Variants in DPP10 observed in about 807,000 individuals in gnomAD.
The protein encoded by DPP10 is inactive dipeptidyl peptidase 10.
DPP10 carries 33 observed loss-of-function variants against 120.9 expected under a neutral mutation model. The observed-to-expected ratio is 0.27, with a 90% confidence interval of 0.21 to 0.37. The LOEUF is 0.37. Ranked by LOEUF, DPP10 falls within the 10% of genes least tolerant of loss-of-function variation. The pLI is 1.00. For missense variants in DPP10, 816 were observed against 942.8 expected, an observed-to-expected ratio of 0.87 and a Z score of 1.76; for synonymous variants, 337 against 326.1, an observed-to-expected ratio of 1.03 and a Z score of -0.36.
intron 5 of DPP10, among the ~76,000 whole-genome samples, chr2:115,655,791 C>T (rs971515361): frequency 2.0e-5 from 3 of 151,382 alleles, no homozygotes; most frequent in African/African-American, 4.9e-5. Flanking sequence ...GAAGAATTAT[C>T]ATATTATATT....
intron 1 of DPP10, among the ~76,000 whole-genome samples, chr2:114,857,564 G>T (rs1188879648): frequency 1.3e-5 from 2 of 152,100 alleles, no homozygotes; most frequent in African/African-American, 4.8e-5. Flanking sequence ...CACTTCCCTT[G>T]CTTCCTCACA....
intron 1 of DPP10, among the ~76,000 whole-genome samples, chr2:114,826,192 A>C (rs1487738509): frequency 6.6e-6 from 1 of 152,188 alleles, no homozygotes; most frequent in Non-Finnish European, 1.5e-5. Context: ...CTAAGAAGAG[A>C]ATAAAAATGA....
At chr2:115,522,259 A>T (rs2077855756) in intron 4 of DPP10, among the ~76,000 whole-genome samples, 1 of 152,054 alleles carries the variant, frequency 6.6e-6, no homozygotes, top group Non-Finnish European at 1.5e-5. Flanking sequence ...CTTCAGTCTT[A>T]CCCTGCTTAC....
At chr2:114,572,874 T>C (rs1689763208) in intron 1 of DPP10, among the ~76,000 whole-genome samples, 2 of 152,252 alleles carry the variant, frequency 1.3e-5, no homozygotes, top group African/African-American at 4.8e-5. Flanking sequence ...GCCTGTGCTC[T>C]TTCTACTCTA....
chr2:114,962,881 C>G (rs1698750334), intron 1 of DPP10, among the ~76,000 whole-genome samples: 1 of 152,126 alleles, frequency 6.6e-6, no homozygotes, highest in Non-Finnish European at 1.5e-5. Context: ...TTTATAGGAA[C>G]AGTATATTCC....
rs188938615 is a variant in DPP10, at chr2:115,328,153, T to A, written c.176-15664T>A. On this transcript the variant is annotated intron_variant, in intron 2 of 25. Transcript: ENST00000410059. ...CATATGTGAAGGAGGAACTTAAATA[T>A]GACTTTATAGAGCCATAACACTTTA... Among the ~76,000 whole-genome samples, 5 of 152,170 alleles carry A rather than the reference T, an allele frequency of 3.3e-5. No individual in the cohort carries two copies. In the South Asian group the frequency reaches 6.2e-4, roughly 19 times the overall value.
chr2:115,006,634 A>G (rs1701865011), intron 1 of DPP10, among the ~76,000 whole-genome samples: 1 of 148,792 alleles, frequency 6.7e-6, no homozygotes, highest in African/African-American at 2.5e-5. Context: ...CCATTACATA[A>G]TGGTAAAGGG....
At chr2:114,981,599 G>A (rs4849368) in intron 1 of DPP10, among the ~76,000 whole-genome samples, 1 of 151,730 alleles carries the variant, frequency 6.6e-6, no homozygotes, top group African/African-American at 2.4e-5. Flanking sequence ...TCTCTCCTTC[G>A]AAACCGGGTC....
intron 1 of DPP10, among the ~76,000 whole-genome samples, chr2:115,188,019 A>T (rs2105201901): frequency 6.6e-6 from 1 of 150,744 alleles, no homozygotes; most frequent in South Asian, 2.1e-4. Context: ...GACTATTTCA[A>T]AAAAACAGAG....
intron 1 of DPP10, among the ~76,000 whole-genome samples, chr2:114,985,993 A>G (rs7603116): frequency 0.11 from 17,242 of 152,294 alleles, 1,133 homozygotes; most frequent in Middle Eastern, 0.26. Flanking sequence ...TCAATCTCAG[A>G]TTAACTAAAG....
chr2:114,729,267 T>C (rs901213016), intron 1 of DPP10, among the ~76,000 whole-genome samples: 8 of 152,254 alleles, frequency 5.3e-5, no homozygotes, highest in African/African-American at 1.4e-4. Context: ...CACTGCTTAC[T>C]GAATAGTTTC....
At chr2:115,220,329 A>C (rs569418518) in intron 1 of DPP10, among the ~76,000 whole-genome samples, 56 of 152,318 alleles carry the variant, frequency 3.7e-4, no homozygotes, top group Middle Eastern at 3.4e-3. Flanking sequence ...ACAGTGATAC[A>C]AAAAATAGTA....
chr2:115,655,176 T>C (rs2088182992), intron 5 of DPP10, among the ~76,000 whole-genome samples: 1 of 151,714 alleles, frequency 6.6e-6, no homozygotes, highest in Admixed American at 6.6e-5. Context: ...ATATATTGTT[T>C]TCAGGTAATT....
At chr2:115,279,818 C>A (rs546218102) in intron 1 of DPP10, among the ~76,000 whole-genome samples, 197 of 151,754 alleles carry the variant, frequency 1.3e-3, no homozygotes, top group South Asian at 7.1e-3. Flanking sequence ...CAGGGCACCA[C>A]GCCCAGCTAA....
At chr2:114,847,288 T>C (rs1688618343) in intron 1 of DPP10, among the ~76,000 whole-genome samples, 1 of 152,102 alleles carries the variant, frequency 6.6e-6, no homozygotes, top group Non-Finnish European at 1.5e-5. Flanking sequence ...TCCTCAGCCC[T>C]AAATACTGGT....
At chr2:114,460,481 T>C (rs1267689958) in intron 1 of DPP10, among the ~76,000 whole-genome samples, 1 of 152,148 alleles carries the variant, frequency 6.6e-6, no homozygotes, top group Non-Finnish European at 1.5e-5. Flanking sequence ...GATTTAGATG[T>C]GCCTATTATA....
At chr2:115,764,351 G>T (rs970140509) in intron 12 of DPP10, among the ~76,000 whole-genome samples, 1 of 151,966 alleles carries the variant, frequency 6.6e-6, no homozygotes, top group African/African-American at 2.4e-5. Flanking sequence ...TATATATTAC[G>T]AGTATATGTG....
chr2:115,478,219 C>G (rs543281020), intron 3 of DPP10, among the ~76,000 whole-genome samples: 90 of 152,192 alleles, frequency 5.9e-4, no homozygotes, highest in Non-Finnish European at 1.2e-3. Flanking sequence ...ACATATAGAC[C>G]AATGGAATAG....
intron 1 of DPP10, among the ~76,000 whole-genome samples, chr2:114,518,069 A>ATTTTTTTTTTTTTTTTTTT: frequency 1.8e-5 from 1 of 54,140 alleles, no homozygotes; most frequent in Non-Finnish European, 3.4e-5. Flanking sequence ...TGAGCTATTC[A>ATTTTTTTTTTTTTTTTTTT]TTTTTTTTTT....
Sources: allele counts gnomAD v4.1 joint callset (sites outside exome capture counted in the v4.1 genomes callset), GRCh38; gene constraint gnomAD v4.1.1; transcripts MANE v1.5; gene names NCBI Gene and HGNC (gene_info 2026-07-23, HGNC 2026-07-21).